TMEM178B: variants seen among roughly 807,000 people sequenced by gnomAD.
The protein encoded by TMEM178B is transmembrane protein 178B.
In TMEM178B, 5 loss-of-function variants were observed where a neutral mutation model predicts 31.0. The ratio of observed to expected loss-of-function variants is 0.16; its 90% CI spans 0.08 to 0.34. The LOEUF is 0.34. TMEM178B is among the 10% of genes least tolerant of loss of function. TMEM178B has a pLI of 1.00. For synonymous variants in TMEM178B, 164 were observed against 164.0 expected, an observed-to-expected ratio of 1.00 and a Z score of 0.00; for missense variants, 275 against 400.3, an observed-to-expected ratio of 0.69 and a Z score of 2.67.
At chr7:141,459,280 G>A (rs1456394427) in intron 3 of TMEM178B, among the ~76,000 whole-genome samples, 5 of 152,140 alleles carry the variant, frequency 3.3e-5, no homozygotes, top group Admixed American at 2.0e-4. Context: ...CCACCGCCTC[G>A]GCCTCCCAAA....
chr7:141,098,316 T>A (rs1242625918), intron 1 of TMEM178B, among the ~76,000 whole-genome samples: 2 of 152,376 alleles, frequency 1.3e-5, no homozygotes, highest in East Asian at 3.9e-4. Flanking sequence ...TAATTCCTCA[T>A]ACCAGATTAA....
rs1184652585 is a variant in TMEM178B at position 141,479,690 on chromosome 7, A to T, written c.*8904A>T. 1 of 152,238 alleles carries T rather than the reference A, an allele frequency of 6.6e-6. No homozygotes were observed. The highest frequency in any genetic ancestry group is 6.5e-5 in the Admixed American group (1 of 15,286). 9.4% of individuals were successfully genotyped at this position (152,238 alleles called of 1,614,324 possible). A position where few individuals can be genotyped will look rare whatever the true frequency, so the allele number is the denominator to read the frequency against. ...AGCTGATTTGGTGAGTATGTTTTAT[A>T]TATGGTCATTAGACAGGGACCATAA... On this transcript the variant is annotated 3_prime_UTR_variant, in exon 4 of 4. Coordinates refer to ENST00000565468, the MANE Select transcript of TMEM178B (RefSeq NM_001195278.2).
intron 1 of TMEM178B, among the ~76,000 whole-genome samples, chr7:141,198,941 A>G (rs1296143995): frequency 6.6e-6 from 1 of 152,194 alleles, no homozygotes; most frequent in Non-Finnish European, 1.5e-5. Context: ...TAAGGGATAG[A>G]TTATTTACTA....
At chr7:141,133,149 A>G (rs913256301) in intron 1 of TMEM178B, among the ~76,000 whole-genome samples, 5 of 152,236 alleles carry the variant, frequency 3.3e-5, no homozygotes, top group African/African-American at 1.2e-4. Flanking sequence ...ATGTGCAGGT[A>G]TTAATGTAAG....
At chr7:141,384,132 G>A (rs1306459092) in intron 2 of TMEM178B, among the ~76,000 whole-genome samples, 5 of 152,104 alleles carry the variant, frequency 3.3e-5, no homozygotes, top group South Asian at 2.1e-4. Flanking sequence ...TTTGTCAGAC[G>A]AGTAGATTGC....
At chr7:141,389,421 T>A (rs1800493905) in intron 2 of TMEM178B, among the ~76,000 whole-genome samples, 1 of 152,190 alleles carries the variant, frequency 6.6e-6, no homozygotes, top group African/African-American at 2.4e-5. Flanking sequence ...AGGCCTAGAC[T>A]TCCATTTGTA....
At chr7:141,130,586 GGTA>G (rs1438099288) in intron 1 of TMEM178B, among the ~76,000 whole-genome samples, 1 of 151,836 alleles carries the variant, frequency 6.6e-6, no homozygotes, top group Non-Finnish European at 1.5e-5. Context: ...CTACTGTTTG[GGTA>G]GTTTCCAGTT....
chr7:141,303,024 G>T (rs1160457767), intron 2 of TMEM178B, among the ~76,000 whole-genome samples: 1 of 152,210 alleles, frequency 6.6e-6, no homozygotes, highest in East Asian at 1.9e-4. Context: ...TCCAGGGGGA[G>T]AAATGTTGTC....
At chr7:141,485,818 C>T in the TMEM178B span, among the ~76,000 whole-genome samples, 4,129 of 152,280 alleles carry the variant, frequency 0.027, 166 homozygotes, top group African/African-American at 0.09. Flanking sequence ...GCAGCCCCTA[C>T]GGTGATAATA....
the TMEM178B span, among the ~76,000 whole-genome samples, chr7:141,489,397 T>C: frequency 6.6e-6 from 1 of 152,242 alleles, no homozygotes; most frequent in Admixed American, 6.5e-5. Flanking sequence ...ATAGCTAAGC[T>C]GCCGGTTGGC....
chr7:141,268,816 A>G (rs776576240), intron 2 of TMEM178B, among the ~76,000 whole-genome samples: 2 of 152,262 alleles, frequency 1.3e-5, no homozygotes, highest in African/African-American at 2.4e-5. Context: ...GTCATGCATC[A>G]GTTTTGAGAT....
intron 1 of TMEM178B, among the ~76,000 whole-genome samples, chr7:141,098,641 G>C (rs1042280095): frequency 6.6e-6 from 1 of 152,184 alleles, no homozygotes; most frequent in African/African-American, 2.4e-5. Context: ...TTCTATCTTA[G>C]AGATTTATTG....
At chr7:141,142,419 T>G (rs1267977797) in intron 1 of TMEM178B, among the ~76,000 whole-genome samples, 1 of 149,890 alleles carries the variant, frequency 6.7e-6, no homozygotes, top group Non-Finnish European at 1.5e-5. Flanking sequence ...TTCTTTTTTT[T>G]TTTTTTGAGA....
At chr7:141,342,826 C>T (rs1456015207) in intron 2 of TMEM178B, among the ~76,000 whole-genome samples, 1 of 152,214 alleles carries the variant, frequency 6.6e-6, no homozygotes, top group East Asian at 1.9e-4. Flanking sequence ...GCTTGATTGA[C>T]TGTTCTGCCC....
At chr7:141,283,650 C>G (rs913023492) in intron 2 of TMEM178B, among the ~76,000 whole-genome samples, 1 of 152,248 alleles carries the variant, frequency 6.6e-6, no homozygotes, top group Non-Finnish European at 1.5e-5. Context: ...GAGGCAGCCA[C>G]AGCATAAGCT....
chr7:141,495,431 C>T, the TMEM178B span, among the ~76,000 whole-genome samples: 1 of 152,182 alleles, frequency 6.6e-6, no homozygotes, highest in Non-Finnish European at 1.5e-5. Flanking sequence ...TTAGTTTCCT[C>T]AACATGATTT....
At chr7:141,483,979 A>G (rs554108618), downstream of TMEM178B, among the ~76,000 whole-genome samples, 1 of 152,016 alleles carries the variant, frequency 6.6e-6, no homozygotes, top group Admixed American at 6.6e-5. Flanking sequence ...CAGGTGATCC[A>G]CACGTCTCGG....
chr7:141,281,660 C>T lies in TMEM178B; in HGVS notation c.496+68956C>T, dbSNP rs1442430337. ...CGGTGAGGAACACAGAGACCTCTTT[C>T]TGGGGAGTCAGCTATTTCGTAGAAG... On this transcript the variant is annotated intron_variant, in intron 2 of 3. Coordinates refer to ENST00000565468, the MANE Select transcript of TMEM178B (RefSeq NM_001195278.2). 3.3e-5 allele frequency among the ~76,000 whole-genome samples: 5 copies of T among 152,264 alleles called. No homozygotes were observed. The East Asian group carries it at 7.7e-4, about 24-fold the overall frequency.
rs1799656962 is a variant in TMEM178B at position 141,348,450 on chromosome 7, G to A, written c.497-89158G>A. The stretch of plus-strand genomic sequence containing the variant: ...GAAGGAACGGCATTCCGACTGGGGA[G>A]TCAAGTGTTAGAAGAAAGACAGGTT... On this transcript the variant is annotated intron_variant, in intron 2 of 3. Coordinates refer to ENST00000565468, the MANE Select transcript of TMEM178B (RefSeq NM_001195278.2). Among the ~76,000 whole-genome samples, 2 of 152,212 alleles carry A rather than the reference G, an allele frequency of 1.3e-5. 1 individual carries two copies. Among genetic ancestry groups the A allele is most frequent in the South Asian group, 4.1e-4 (2 of 4,826 alleles).
Sources: gnomAD v4.1 joint callset for allele counts (sites outside exome capture counted in the v4.1 genomes callset) on GRCh38, gnomAD v4.1.1 for gene constraint, MANE v1.5 for transcripts, NCBI Gene and HGNC (gene_info 2026-07-23, HGNC 2026-07-21) for gene names.